HBS1L: variants seen among roughly 807,000 people sequenced by gnomAD.
The protein encoded by HBS1L is HBS1 like translational GTPase.
A neutral mutation model predicts 88.9 loss-of-function variants in HBS1L; 55 were observed. That is an observed-to-expected ratio of 0.62 (90% CI 0.50 to 0.77). The LOEUF is 0.77. Among genes scored for constraint, HBS1L ranks in the 30% least tolerant of loss-of-function variants. The probability of loss-of-function intolerance (pLI) is 0.00; values close to 1 mark genes in which losing one functional copy is unlikely to be tolerated. For synonymous variants in HBS1L, 267 were observed against 288.5 expected (o/e 0.93, Z 0.76); for missense variants, 741 against 829.3 (o/e 0.89, Z 1.31).
intron 12 of HBS1L, among the ~76,000 whole-genome samples, chr6:134,984,835 T>C (rs1583072872): frequency 6.6e-6 from 1 of 152,142 alleles, no homozygotes; most frequent in Admixed American, 6.6e-5. Context: ...ATTTTTATCA[T>C]AGTTAATAAT....
chr6:135,012,004 CAAGTCA>C (rs1775789587), intron 4 of HBS1L, among the ~76,000 whole-genome samples: 1 of 146,742 alleles, frequency 6.8e-6, no homozygotes, highest in African/African-American at 2.5e-5. Context: ...TCAATAAACA[CAAGTCA>C]AAGGTGTGGC....
Position 134,969,302 on chromosome 6 carries a change from C to T in HBS1L, c.1834G>A (p.Val612Ile), listed in dbSNP as rs201836642. ...LHYQTVSEPA[V>I]IKRLISVLNK... is the part of the protein sequence containing the mutation. ...AAGACACTAATCAATCGTTTAATAA[C>T]GGCGGGTTCACTGACAGTTTGGTAG... The change falls in exon 16 of 18, where the codon GTT (valine) becomes ATT (isoleucine). Residue 612 changes from valine (V) to isoleucine (I), a missense_variant. By Grantham distance (29) the Val-to-Ile change is conservative. Transcript: ENST00000367837. 103 of 1,613,562 alleles carry T rather than the reference C, an allele frequency of 6.4e-5. 1 individual carries two copies. The East Asian group carries it at 1.1e-3, about 17-fold the overall frequency.
At chr6:134,969,804 G>A (rs1028050503) in intron 15 of HBS1L, among the ~76,000 whole-genome samples, 7 of 152,096 alleles carry the variant, frequency 4.6e-5, no homozygotes, top group African/African-American at 9.7e-5. Context: ...CTTTTATAGC[G>A]TTGTGATGAA....
intron 4 of HBS1L, among the ~76,000 whole-genome samples, chr6:135,019,387 G>GA (rs1176145904): frequency 6.6e-6 from 1 of 151,432 alleles, no homozygotes; most frequent in Non-Finnish European, 1.5e-5. Context: ...CTGAAATAAG[G>GA]AAAAAAAGGT....
At chr6:135,026,530 CAT>C (rs899115069) in intron 4 of HBS1L, among the ~76,000 whole-genome samples, 39 of 152,088 alleles carry the variant, frequency 2.6e-4, no homozygotes, top group Middle Eastern at 6.9e-3. Context: ...CTATTAATAA[CAT>C]AAATGAGAAA....
intron 4 of HBS1L, chr6:135,036,890 T>C (rs766139776): frequency 6.4e-7 from 1 of 1,551,678 alleles, no homozygotes; most frequent in South Asian, 1.2e-5. Flanking sequence ...TTCCCTAGCT[T>C]TGAACTTAGA....
chr6:135,007,689 C>G (rs1775651717), intron 4 of HBS1L, among the ~76,000 whole-genome samples: 1 of 152,094 alleles, frequency 6.6e-6, no homozygotes, highest in Admixed American at 6.5e-5. Context: ...ACTAAAATAG[C>G]AAGTCATAGA....
chr6:134,975,137 A>C (rs950488052), intron 15 of HBS1L, among the ~76,000 whole-genome samples: 1 of 152,170 alleles, frequency 6.6e-6, no homozygotes, highest in African/African-American at 2.4e-5. Flanking sequence ...AATCAAGAAC[A>C]AGAACTTAAT....
At chr6:135,009,552 CA>C (rs199796994) in intron 4 of HBS1L, among the ~76,000 whole-genome samples, 3 of 149,466 alleles carry the variant, frequency 2.0e-5, no homozygotes, top group African/African-American at 2.4e-5. Context: ...TGGCTTTTTT[CA>C]AAAAAAAAGA....
intron 4 of HBS1L, among the ~76,000 whole-genome samples, chr6:135,005,783 G>A (rs1459514217): frequency 6.6e-6 from 1 of 152,166 alleles, no homozygotes; most frequent in Admixed American, 6.5e-5. Flanking sequence ...CTCTTTTATT[G>A]CAATAGAAGG....
rs1048172964 is a variant in HBS1L at position 134,963,128 on chromosome 6, C to T, written c.*2151G>A. 1.2e-4 allele frequency: 18 copies of T among 152,026 alleles called. No homozygotes were observed. Among genetic ancestry groups the T allele is most frequent in the Non-Finnish European group, 2.4e-4 (16 of 68,008 alleles). 9.4% of individuals were successfully genotyped at this position (152,026 alleles called of 1,614,324 possible). A position where few individuals can be genotyped will look rare whatever the true frequency, so the allele number is the denominator to read the frequency against. On this transcript the variant is annotated 3_prime_UTR_variant, in exon 18 of 18. Transcript: ENST00000367837. ...AGTGGATGGTTTCTTGTTTTTACTC[C>T]CCCTACCTTAAACCCCAATCCATTT...
intron 3 of HBS1L, among the ~76,000 whole-genome samples, chr6:135,040,180 A>G (rs1187641570): frequency 2.0e-5 from 3 of 152,102 alleles, no homozygotes; most frequent in Non-Finnish European, 2.9e-5. Context: ...TATATTTCTT[A>G]TATTTCTCAA....
rs1381405005 is a variant in HBS1L, at chr6:134,964,906, G to A, written c.*373C>T. Reference sequence around the variant, plus strand: ...GTTACTTTTCCTTAAAACATGTGCAGTATAATTGAATCAAAAGAGAAAACT... The same window carrying A: ...GTTACTTTTCCTTAAAACATGTGCAATATAATTGAATCAAAAGAGAAAACT... On this transcript the variant is annotated 3_prime_UTR_variant, in exon 18 of 18. Coordinates refer to ENST00000367837, the MANE Select transcript of HBS1L (RefSeq NM_006620.4). The A allele has an allele frequency of 4.5e-6, 1 of 221,456 alleles. No individual in the cohort carries two copies. The highest frequency in any genetic ancestry group is 8.9e-6 in the Non-Finnish European group (1 of 112,776). 13.7% of individuals were successfully genotyped at this position (221,456 alleles called of 1,614,324 possible). A position where few individuals can be genotyped will look rare whatever the true frequency, so the allele number is the denominator to read the frequency against.
chr6:135,011,337 G>A (rs938784662), intron 4 of HBS1L, among the ~76,000 whole-genome samples: 1 of 151,860 alleles, frequency 6.6e-6, no homozygotes, highest in Non-Finnish European at 1.5e-5. Flanking sequence ...CAAAAAGCAA[G>A]ACCCTGTCTC....
chr6:135,030,533 A>C (rs2114878404), intron 4 of HBS1L, among the ~76,000 whole-genome samples: 1 of 152,338 alleles, frequency 6.6e-6, no homozygotes, highest in Non-Finnish European at 1.5e-5. Flanking sequence ...AAGGATTTAG[A>C]TAGGGAGACA....
rs1453134304 is a variant in HBS1L, at chr6:134,964,150, A to G, written c.*1129T>C. The stretch of plus-strand genomic sequence containing the variant: ...GTGCAGGGAGAAGAAATGCTGTTGT[A>G]TATGTTAAGCCATCGATATACAAAT... On this transcript the variant is annotated 3_prime_UTR_variant, in exon 18 of 18. Coordinates refer to ENST00000367837, the MANE Select transcript of HBS1L (RefSeq NM_006620.4). 1 of 152,124 alleles carries G rather than the reference A, an allele frequency of 6.6e-6. No homozygotes were observed. Among genetic ancestry groups the G allele is most frequent in the Non-Finnish European group, 1.5e-5 (1 of 68,010 alleles). 9.4% of individuals were successfully genotyped at this position (152,124 alleles called of 1,614,324 possible).
At chr6:134,985,816 G>T (rs558375140) in intron 11 of HBS1L, among the ~76,000 whole-genome samples, 1 of 152,064 alleles carries the variant, frequency 6.6e-6, no homozygotes, top group African/African-American at 2.4e-5. Flanking sequence ...CTTATAAAAT[G>T]AATGTTAATC....
intron 4 of HBS1L, among the ~76,000 whole-genome samples, chr6:135,034,652 T>G (rs1280658651): frequency 8.5e-5 from 13 of 152,108 alleles, no homozygotes; most frequent in Non-Finnish European, 5.9e-5. Context: ...TCAAAAAAAC[T>G]AATAAAATAA....
chr6:134,985,404 A>T lies in HBS1L; in HGVS notation c.1429T>A (p.Phe477Ile). The change falls in exon 12 of 18, where the codon TTT becomes ATT. Residue 477 changes from phenylalanine (F) to isoleucine (I), a missense_variant. Phe to Ile is a conservative substitution (Grantham distance 21). Coordinates refer to ENST00000367837, the MANE Select transcript of HBS1L (RefSeq NM_006620.4). ...GLCLLEQIDS[F>I]KPPQRSIDKP... is the part of the protein sequence containing the mutation. ...TCAATAGATCGCTGGGGAGGCTTAA[A>T]GGAATCTGGAAAAAAGAAATTGCAA... The T allele has an allele frequency of 1.9e-6, 3 of 1,595,710 alleles. No homozygotes were observed. The highest frequency in any genetic ancestry group is 2.6e-6 in the Non-Finnish European group (3 of 1,172,636).
Sources: gnomAD v4.1 joint callset for allele counts (sites outside exome capture counted in the v4.1 genomes callset) on GRCh38, gnomAD v4.1.1 for gene constraint, MANE v1.5 for transcripts, NCBI Gene and HGNC (gene_info 2026-07-23, HGNC 2026-07-21) for gene names.